The following ZDHHC24 variants were observed in gnomAD, a reference collection of about 807,000 sequenced individuals.
ZDHHC24 encodes probable palmitoyltransferase ZDHHC24.
In ZDHHC24, 17 loss-of-function variants were observed where a neutral mutation model predicts 23.2. That is an observed-to-expected ratio of 0.73 (90% CI 0.50 to 1.10). The LOEUF is 1.10. Among genes scored for constraint, ZDHHC24 ranks in the 50% least tolerant of loss-of-function variants. The pLI is 0.00. For missense variants in ZDHHC24, 366 were observed against 393.0 expected, an observed-to-expected ratio of 0.93 and a Z score of 0.58; for synonymous variants, 186 against 194.5, an observed-to-expected ratio of 0.96 and a Z score of 0.36.
At chr11:66,529,074 A>G (rs866323651) in intron 3 of ZDHHC24, 1 of 985,352 alleles carries the variant, frequency 1.0e-6, no homozygotes, top group Middle Eastern at 5.2e-4. Flanking sequence ...GTACTAGAGA[A>G]AAAGCACATA....
At chr11:66,521,409 G>T in exon 5 of ZDHHC24, 1 of 1,549,954 alleles carries the variant, frequency 6.5e-7, no homozygotes, top group South Asian at 1.1e-5. Flanking sequence ...GGGCCGGGAG[G>T]AACATCTCAG....
chr11:66,523,007 G>A (rs982959072), intron 4 of ZDHHC24: 8 of 385,422 alleles, frequency 2.1e-5, no homozygotes, highest in Non-Finnish European at 3.6e-5. Context: ...GGAACTAACT[G>A]TACTTTCTGG....
chr11:66,546,039 G>C lies in ZDHHC24; in HGVS notation c.-36C>G. ...CCCAGCTGTCGGAGCCGGAGGACTA[G>C]GCCGCTTCCGTATTGGGGCGGAGAT... is the stretch of plus-strand genomic sequence containing the variant. On this transcript the variant is annotated 5_prime_UTR_variant, in exon 1 of 3. Coordinates refer to ENST00000310442, the MANE Select transcript of ZDHHC24 (RefSeq NM_207340.3). 1 of 1,370,920 alleles carries C rather than the reference G, an allele frequency of 7.3e-7. No individual in the cohort carries two copies. Among genetic ancestry groups the C allele is most frequent in the South Asian group, 1.7e-5 (1 of 58,400 alleles). 84.9% of individuals were successfully genotyped at this position (1,370,920 alleles called of 1,614,324 possible).
chr11:66,539,184 G>T lies in ZDHHC24; in HGVS notation c.*345C>A. On this transcript the variant is annotated 3_prime_UTR_variant, in exon 3 of 3. Transcript: ENST00000310442. ...CCCTCAGGCATCCTGCAGTTTCCAG[G>T]CCCTACAGAGGGTCCCAGAAACAGC... is the stretch of plus-strand genomic sequence containing the variant. The T allele has an allele frequency of 9.9e-7, 1 of 1,013,850 alleles. No homozygotes were observed. The highest frequency in any genetic ancestry group is 1.2e-6 in the Non-Finnish European group (1 of 844,888). The allele number at this position is 1,013,850 out of a possible 1,614,324, so 62.8% of individuals were successfully genotyped here. A position where few individuals can be genotyped will look rare whatever the true frequency, so the allele number is the denominator to read the frequency against.
In ZDHHC24 at chr11:66,539,136, A is replaced by C; in HGVS notation, c.*393T>G. ...ACCCCCAACTCACCCAGGCCAGGGG[A>C]GGTAGAGCCCCAGCCCCTGAGACCC... On this transcript the variant is annotated 3_prime_UTR_variant, in exon 3 of 3. Transcript: ENST00000310442. 1 of 694,546 alleles carries C rather than the reference A, an allele frequency of 1.4e-6. No homozygotes were observed. Among genetic ancestry groups the C allele is most frequent in the Non-Finnish European group, 1.8e-6 (1 of 560,036 alleles). 43.0% of individuals were successfully genotyped at this position (694,546 alleles called of 1,614,324 possible).
intron 2 of ZDHHC24, among the ~76,000 whole-genome samples, chr11:66,530,611 G>A (rs571242330): frequency 6.6e-6 from 1 of 152,272 alleles, no homozygotes; most frequent in East Asian, 1.9e-4. Context: ...AGAGTGGGAG[G>A]TGGAACAGGC....
At chr11:66,526,212 G>A in intron 4 of ZDHHC24, 1 of 1,613,034 alleles carries the variant, frequency 6.2e-7, no homozygotes, top group East Asian at 2.2e-5. Context: ...GTCAGACCTG[G>A]CAAGGGCTTT....
chr11:66,527,902 G>T (rs1856590575), intron 3 of ZDHHC24, among the ~76,000 whole-genome samples: 3 of 152,076 alleles, frequency 2.0e-5, no homozygotes, highest in Admixed American at 2.0e-4. Context: ...GCAGGGCAGG[G>T]TAATATAGGC....
At chr11:66,531,917 T>C, downstream of ZDHHC24, 1 of 1,569,498 alleles carries the variant, frequency 6.4e-7, no homozygotes. Flanking sequence ...GTCAGGGGTG[T>C]ATGCCCCCTG....
At chr11:66,527,199 T>G in intron 3 of ZDHHC24, 1 of 575,090 alleles carries the variant, frequency 1.7e-6, no homozygotes, top group South Asian at 2.2e-5. Flanking sequence ...ATAATGATAC[T>G]TCTTTCTCAA....
downstream of ZDHHC24, among the ~76,000 whole-genome samples, chr11:66,534,101 G>A (rs1277354859): frequency 2.0e-5 from 3 of 151,414 alleles, no homozygotes; most frequent in Admixed American, 6.6e-5. Context: ...CCCGGGAGGC[G>A]GAGGTTGCAG....
chr11:66,521,598 C>T, intron 4 of ZDHHC24: 1 of 552,856 alleles, frequency 1.8e-6, no homozygotes, highest in Admixed American at 3.0e-5. Context: ...GGCTATAGTA[C>T]AGGAGTGATC....
chr11:66,525,367 AAAAC>A (rs1306475464), intron 4 of ZDHHC24, among the ~76,000 whole-genome samples: 2 of 152,008 alleles, frequency 1.3e-5, no homozygotes, highest in Non-Finnish European at 2.9e-5. Context: ...TCAAAACAAA[AAAAC>A]AAAACAACAA....
chr11:66,531,736 C>T (rs750844691), downstream of ZDHHC24: 2 of 1,614,038 alleles, frequency 1.2e-6, no homozygotes, highest in Non-Finnish European at 1.7e-6. Context: ...TCTCAGACAT[C>T]ATCAAGGTAG....
chr11:66,529,277 C>T (rs992319305), intron 3 of ZDHHC24: 2 of 1,533,288 alleles, frequency 1.3e-6, no homozygotes, highest in Non-Finnish European at 1.7e-6. Flanking sequence ...ACCTAGGTGA[C>T]TTGATGGACA....
chr11:66,521,429 G>T (rs1856212407), exon 5 of ZDHHC24: 2 of 1,389,186 alleles, frequency 1.4e-6, no homozygotes, highest in South Asian at 2.3e-5. Flanking sequence ...GAAAACTGGT[G>T]GCTTCAGAGG....
Position 66,536,909 on chromosome 11 carries a change from T to C in ZDHHC24, c.*2620A>G, listed in dbSNP as rs756006073. The C allele has an allele frequency of 4.0e-5, 6 of 151,686 alleles. No individual in the cohort carries two copies. Among genetic ancestry groups the C allele is most frequent in the Non-Finnish European group, 8.8e-5 (6 of 67,934 alleles). The allele number at this position is 151,686 out of a possible 1,614,324, so 9.4% of individuals were successfully genotyped here. ...AAAGAGAAAGAAAGAAAATAAGAAATTGTGGAGGGCGAGGGATGAAACAGG... is the reference window on the plus strand; with the variant it reads ...AAAGAGAAAGAAAGAAAATAAGAAACTGTGGAGGGCGAGGGATGAAACAGG... On this transcript the variant is annotated 3_prime_UTR_variant, in exon 3 of 3. Coordinates refer to ENST00000310442, the MANE Select transcript of ZDHHC24 (RefSeq NM_207340.3).
chr11:66,538,675 G>A lies in ZDHHC24; in HGVS notation c.*854C>T, dbSNP rs1310726913. The A allele has an allele frequency of 6.6e-6, 1 of 151,310 alleles. No individual in the cohort carries two copies. Among genetic ancestry groups the A allele is most frequent in the African/African-American group, 2.5e-5 (1 of 40,626 alleles). The allele number at this position is 151,310 out of a possible 1,614,324, so 9.4% of individuals were successfully genotyped here. A position where few individuals can be genotyped will look rare whatever the true frequency, so the allele number is the denominator to read the frequency against. On this transcript the variant is annotated 3_prime_UTR_variant, in exon 3 of 3. Coordinates refer to ENST00000310442, the MANE Select transcript of ZDHHC24 (RefSeq NM_207340.3). ...TAAGAGAAAACTGAGACGAACACAT[G>A]TGTTTAGGCCTGCCATGTGGAAATG...
Position 66,521,389 on chromosome 11 carries a change from G to A in ZDHHC24, c.*99C>T, listed in dbSNP as rs368290922. ...ATATTCTGAGAAGGTAGCCACATCCGTGGTCTCCGGGGCCGGGAGGAACAT... is the reference window on the plus strand; with the variant it reads ...ATATTCTGAGAAGGTAGCCACATCCATGGTCTCCGGGGCCGGGAGGAACAT... On this transcript the variant is annotated 3_prime_UTR_variant, in exon 5 of 5. Transcript: ENST00000526986. 87 of 1,607,012 alleles carry A rather than the reference G, an allele frequency of 5.4e-5. No homozygotes were observed. The highest frequency in any genetic ancestry group is 2.6e-4 in the South Asian group (24 of 90,954).
Sources: allele counts gnomAD v4.1 joint callset (sites outside exome capture counted in the v4.1 genomes callset), GRCh38; gene constraint gnomAD v4.1.1; transcripts MANE v1.5; gene names NCBI Gene and HGNC (gene_info 2026-07-23, HGNC 2026-07-21).